The following ZNF326 variants were observed in gnomAD, a reference collection of about 807,000 sequenced individuals.
ZNF326 encodes DBIRD complex subunit ZNF326.
A neutral mutation model predicts 63.1 loss-of-function variants in ZNF326; 30 were observed. That is an observed-to-expected ratio of 0.48 (90% CI 0.36 to 0.64). The LOEUF is 0.64. Ranked by LOEUF, ZNF326 falls within the 30% of genes least tolerant of loss-of-function variation. ZNF326 has a pLI of 0.00. For synonymous variants in ZNF326, 194 were observed against 228.2 expected, an observed-to-expected ratio of 0.85 and a Z score of 1.35; for missense variants, 609 against 720.3, an observed-to-expected ratio of 0.85 and a Z score of 1.77.
At position 90,010,182 on chromosome 1, in the gene ZNF326, T is replaced by G. The variant is rs1439234891; in HGVS notation, c.710T>G (p.Ile237Arg). 6.2e-7 allele frequency: 1 copy of G among 1,613,802 alleles called. No individual in the cohort carries two copies. The highest frequency in any genetic ancestry group is 8.5e-7 in the Non-Finnish European group (1 of 1,179,846). Residue 237 changes from isoleucine (I) to arginine (R), a missense_variant, in exon 6 of 12, where the codon ATA becomes AGA. Physicochemically the swap from Ile to Arg is moderately conservative, Grantham distance 97 (BLOSUM62 -3). This residue lies in a region of ZNF326 where 399 missense variants were observed against 444.3 expected (regional missense o/e 0.90). Transcript: ENST00000340281. The stretch of plus-strand genomic sequence containing the variant: ...GTGACAGTTGCTGCTGCAAGAGGAA[T>G]AAAGAGAAAAATGATGCAGCCATTT... Reference protein sequence around the residue: ...TNVTVAAARGIKRKMMQPFNK... With the variant: ...TNVTVAAARGRKRKMMQPFNK...
At chr1:90,024,400 T>C (rs1429360159) in intron 11 of ZNF326, among the ~76,000 whole-genome samples, 1 of 152,166 alleles carries the variant, frequency 6.6e-6, no homozygotes, top group Non-Finnish European at 1.5e-5. Context: ...AATTCCTTAT[T>C]AGTTCTAGCT....
Position 89,996,763 on chromosome 1 carries a change from C to A in ZNF326, c.17-1347C>A, listed in dbSNP as rs112377036. On this transcript the variant is annotated intron_variant, in intron 1 of 11. Coordinates refer to ENST00000340281, the MANE Select transcript of ZNF326 (RefSeq NM_182976.4). ...TGAAAAAAAAAAAACAAAAAACCAA[C>A]AACAAAACAAAAAACTATGAATATT... Among the ~76,000 whole-genome samples, 314 of 149,920 alleles carry A rather than the reference C, an allele frequency of 2.1e-3. 1 individual carries two copies. The highest frequency in any genetic ancestry group is 3.4e-3 in the Non-Finnish European group (231 of 67,478).
At chr1:90,000,542 A>AT (rs1303864118) in intron 2 of ZNF326, among the ~76,000 whole-genome samples, 1 of 152,100 alleles carries the variant, frequency 6.6e-6, no homozygotes, top group East Asian at 1.9e-4. Flanking sequence ...CTACAAAAAA[A>AT]TTTTTTAAAA....
At position 90,031,904 on chromosome 1, in the gene ZNF326, A is replaced by T. The variant is rs905875143; in HGVS notation, c.*4203A>T. The T allele has an allele frequency of 6.6e-6, 1 of 152,216 alleles. No individual in the cohort carries two copies. Among genetic ancestry groups the T allele is most frequent in the African/African-American group, 2.4e-5 (1 of 41,446 alleles). The allele number at this position is 152,216 out of a possible 1,614,324, so 9.4% of individuals were successfully genotyped here. On this transcript the variant is annotated 3_prime_UTR_variant, in exon 12 of 12. Transcript: ENST00000340281. ...TTTGACACCTGTTGATGGACAGAAAATGGAGTAACCGTCCAGGCAGGAATG... is the reference window on the plus strand; with the variant it reads ...TTTGACACCTGTTGATGGACAGAAATTGGAGTAACCGTCCAGGCAGGAATG...
Position 90,028,827 on chromosome 1 carries a change from T to G in ZNF326, c.*1126T>G, listed in dbSNP as rs1650143439. 6.6e-6 allele frequency: 1 copy of G among 151,992 alleles called. No homozygotes were observed. Among genetic ancestry groups the G allele is most frequent in the Non-Finnish European group, 1.5e-5 (1 of 68,020 alleles). The allele number at this position is 151,992 out of a possible 1,614,324, so 9.4% of individuals were successfully genotyped here. ...TGAGAGTAGGGTCCGTAGTTTTTTTTTTTTTTCTTTTTTGGGACAGGGTTT... is the reference window on the plus strand; with the variant it reads ...TGAGAGTAGGGTCCGTAGTTTTTTTGTTTTTTCTTTTTTGGGACAGGGTTT... On this transcript the variant is annotated 3_prime_UTR_variant, in exon 12 of 12. Transcript: ENST00000340281.
chr1:90,006,341 C>G (rs1340522887), intron 4 of ZNF326: 18 of 979,384 alleles, frequency 1.8e-5, no homozygotes, highest in Non-Finnish European at 2.2e-5. Flanking sequence ...AGTTATTGCC[C>G]TTTTATATTG....
intron 11 of ZNF326, among the ~76,000 whole-genome samples, chr1:90,025,380 T>C (rs1649968542): frequency 6.6e-6 from 1 of 152,146 alleles, no homozygotes; most frequent in Non-Finnish European, 1.5e-5. Context: ...TACTGCATAC[T>C]CCACCTCCCG....
At position 90,018,669 on chromosome 1, in the gene ZNF326, C is replaced by G. The variant is rs1035769414; in HGVS notation, c.1075-16C>G. The G allele has an allele frequency of 2.7e-6, 4 of 1,474,110 alleles. No individual in the cohort carries two copies. In the African/African-American group the frequency reaches 4.3e-5, roughly 16 times the overall value. The allele number at this position is 1,474,110 out of a possible 1,614,324, so 91.3% of individuals were successfully genotyped here. A position where few individuals can be genotyped will look rare whatever the true frequency, so the allele number is the denominator to read the frequency against. ...TCATTGAAAGCTATTTAGATTCTTTCTATTTTGTTTTCTAGGAGTGTATGG... is the reference window on the plus strand; with the variant it reads ...TCATTGAAAGCTATTTAGATTCTTTGTATTTTGTTTTCTAGGAGTGTATGG... On this transcript the variant is annotated splice_polypyrimidine_tract_variant and intron_variant, in intron 8 of 11. Transcript: ENST00000340281.
rs2101110956 is a variant in ZNF326, at chr1:90,032,624, G to C, written c.*4923G>C. 1 of 152,312 alleles carries C rather than the reference G, an allele frequency of 6.6e-6. No homozygotes were observed. The highest frequency in any genetic ancestry group is 3.4e-3 in the Middle Eastern group (1 of 296). 9.4% of individuals were successfully genotyped at this position (152,312 alleles called of 1,614,324 possible). A position where few individuals can be genotyped will look rare whatever the true frequency, so the allele number is the denominator to read the frequency against. ...ATTAGATCTTGGTGAAACCAAGAGA[G>C]CCAAGGAACTGACAGCCACATGCCG... On this transcript the variant is annotated 3_prime_UTR_variant, in exon 12 of 12. Coordinates refer to ENST00000340281, the MANE Select transcript of ZNF326 (RefSeq NM_182976.4).
At chr1:90,022,633 T>G (rs1187942295) in intron 11 of ZNF326, among the ~76,000 whole-genome samples, 1 of 152,190 alleles carries the variant, frequency 6.6e-6, no homozygotes, top group Non-Finnish European at 1.5e-5. Flanking sequence ...AAGAAAAAAT[T>G]GACTTGGAGA....
At chr1:90,005,662 C>T (rs1037175237) in intron 4 of ZNF326, 4 of 984,136 alleles carry the variant, frequency 4.1e-6, no homozygotes, top group South Asian at 4.7e-5. Context: ...AGCAGTCTAA[C>T]TAGAATGGAT....
At chr1:90,001,553 T>A (rs1039291684) in intron 2 of ZNF326, among the ~76,000 whole-genome samples, 2 of 78,272 alleles carry the variant, frequency 2.6e-5, no homozygotes, top group Non-Finnish European at 5.5e-5. Context: ...GGTCAGTTTT[T>A]AATTTTTTTT....
chr1:90,014,977 A>G (rs1024642826), intron 7 of ZNF326, among the ~76,000 whole-genome samples: 20 of 152,232 alleles, frequency 1.3e-4, no homozygotes, highest in African/African-American at 4.8e-4. Flanking sequence ...TTAATATAAT[A>G]TATAAAATTG....
chr1:90,027,891 A>G lies in ZNF326; in HGVS notation c.*190A>G. 1 of 585,596 alleles carries G rather than the reference A, an allele frequency of 1.7e-6. No homozygotes were observed. Among genetic ancestry groups the G allele is most frequent in the Non-Finnish European group, 2.9e-6 (1 of 339,394 alleles). The allele number at this position is 585,596 out of a possible 1,614,324, so 36.3% of individuals were successfully genotyped here. A position where few individuals can be genotyped will look rare whatever the true frequency, so the allele number is the denominator to read the frequency against. On this transcript the variant is annotated 3_prime_UTR_variant, in exon 12 of 12. Transcript: ENST00000340281. ...AATGAAGGCAAAACTATTTTAGTTT[A>G]GTTTTTATAGCTACCAGACTTAGAT...
At chr1:90,011,983 T>G (rs1321180627) in intron 6 of ZNF326, among the ~76,000 whole-genome samples, 1 of 152,086 alleles carries the variant, frequency 6.6e-6, no homozygotes. Flanking sequence ...ACTACAGATG[T>G]GCACCACCAC....
At chr1:90,020,505 TTA>T (rs754354824) in intron 9 of ZNF326, among the ~76,000 whole-genome samples, 1 of 152,084 alleles carries the variant, frequency 6.6e-6, no homozygotes, top group Non-Finnish European at 1.5e-5. Context: ...TTGTTTTCCT[TTA>T]TATTATAGTT....
intron 2 of ZNF326, among the ~76,000 whole-genome samples, chr1:90,001,863 G>C (rs1484122821): frequency 1.3e-5 from 2 of 151,968 alleles, no homozygotes; most frequent in African/African-American, 4.8e-5. Context: ...CAGCCCATAG[G>C]TCAGTTTTTT....
intron 1 of ZNF326, among the ~76,000 whole-genome samples, chr1:89,996,517 ACT>A (rs952326852): frequency 5.3e-5 from 8 of 152,052 alleles, no homozygotes; most frequent in East Asian, 1.9e-4. Context: ...AGAGTAGCAC[ACT>A]CTCGTGGTTT....
In ZNF326 at chr1:90,023,245, A is replaced by G. The variant is rs191103448; in HGVS notation, c.1401+900A>G. On this transcript the variant is annotated intron_variant, in intron 11 of 11. Transcript: ENST00000340281. ...GAAGTTATTTTTCAGTCTTTACAAA[A>G]TAATACCTACCTTAAAATCATTATT... Among the ~76,000 whole-genome samples the G allele has an allele frequency of 2.6e-5, 4 of 152,336 alleles. No homozygotes were observed. The East Asian group carries it at 7.7e-4, about 29-fold the overall frequency.
Sources: gnomAD v4.1 joint callset for allele counts (sites outside exome capture counted in the v4.1 genomes callset) on GRCh38, gnomAD v4.1.1 for gene constraint, gnomAD v4.1.1 regional missense constraint, MANE v1.5 for transcripts, NCBI Gene and HGNC (gene_info 2026-07-23, HGNC 2026-07-21) for gene names.